Variants in ARB2A observed in about 807,000 individuals in gnomAD.
ARB2A encodes cotranscriptional regulator ARB2A.
chr5:94,044,437 C>T, the ARB2A span, among the ~76,000 whole-genome samples: 2 of 152,068 alleles, frequency 1.3e-5, no homozygotes, highest in African/African-American at 2.4e-5. Context: ...TCCTCTCTAC[C>T]GCACATACAG....
chr5:94,088,623 G>A, the ARB2A span, among the ~76,000 whole-genome samples: 1 of 152,160 alleles, frequency 6.6e-6, no homozygotes, highest in South Asian at 2.1e-4. Context: ...ACTGAGCCAT[G>A]ATCATGCCAC....
chr5:93,945,174 G>A, the ARB2A span, among the ~76,000 whole-genome samples: 38 of 152,108 alleles, frequency 2.5e-4, no homozygotes, highest in Non-Finnish European at 5.0e-4. Flanking sequence ...CACGTGTGGC[G>A]GCTCACGCCT....
chr5:93,894,810 T>A, the ARB2A span, among the ~76,000 whole-genome samples: 1 of 152,186 alleles, frequency 6.6e-6, no homozygotes, highest in African/African-American at 2.4e-5. Flanking sequence ...CTGGCCCAAG[T>A]CCTGATGAAT....
chr5:93,897,422 G>C, the ARB2A span, among the ~76,000 whole-genome samples: 13,894 of 151,806 alleles, frequency 0.092, 790 homozygotes, highest in Middle Eastern at 0.16. Flanking sequence ...GTTTGTAGGA[G>C]AAAATATAAT....
the ARB2A span, among the ~76,000 whole-genome samples, chr5:93,758,022 C>G: frequency 6.6e-6 from 1 of 152,094 alleles, no homozygotes; most frequent in Non-Finnish European, 1.5e-5. Flanking sequence ...CATAAGCACT[C>G]ATATAAACTT....
chr5:93,986,202 G>T, the ARB2A span, among the ~76,000 whole-genome samples: 27 of 152,086 alleles, frequency 1.8e-4, no homozygotes, highest in Non-Finnish European at 3.8e-4. Flanking sequence ...CCCCGTCTGG[G>T]AACTGAGGAG....
the ARB2A span, among the ~76,000 whole-genome samples, chr5:93,645,939 T>C: frequency 1.3e-5 from 2 of 152,210 alleles, no homozygotes; most frequent in Non-Finnish European, 2.9e-5. Flanking sequence ...AAGGATTTCA[T>C]TAAAAGTCAG....
chr5:93,817,145 G>C, the ARB2A span, among the ~76,000 whole-genome samples: 10 of 151,550 alleles, frequency 6.6e-5, 1 homozygote, highest in East Asian at 7.7e-4. Flanking sequence ...AATTCAGCAA[G>C]GTTGCAAAAT....
At chr5:93,834,727 GTGA>G in the ARB2A span, among the ~76,000 whole-genome samples, 2 of 152,048 alleles carry the variant, frequency 1.3e-5, no homozygotes, top group East Asian at 1.9e-4. Context: ...TTTTATAAAT[GTGA>G]TGATGCTATT....
the ARB2A span, among the ~76,000 whole-genome samples, chr5:93,922,791 T>C: frequency 2.0e-5 from 3 of 151,936 alleles, no homozygotes; most frequent in African/African-American, 7.3e-5. Context: ...AGAAAATAAG[T>C]TGACATTAGA....
the ARB2A span, among the ~76,000 whole-genome samples, chr5:93,693,269 G>T: frequency 6.6e-6 from 1 of 152,100 alleles, no homozygotes; most frequent in Admixed American, 6.5e-5. Context: ...CCAGGAGCTG[G>T]TTTTTTGAAA....
At chr5:93,905,168 G>A in the ARB2A span, among the ~76,000 whole-genome samples, 1 of 151,668 alleles carries the variant, frequency 6.6e-6, no homozygotes, top group Non-Finnish European at 1.5e-5. Flanking sequence ...AGAAGATATG[G>A]TGAATACAGT....
chr5:93,951,139 A>C, the ARB2A span, among the ~76,000 whole-genome samples: 4 of 152,110 alleles, frequency 2.6e-5, no homozygotes, highest in African/African-American at 7.2e-5. Flanking sequence ...TTTTGAGAAA[A>C]GTCTATTAGG....
chr5:93,688,778 G>C, the ARB2A span, among the ~76,000 whole-genome samples: 1 of 152,048 alleles, frequency 6.6e-6, no homozygotes, highest in Non-Finnish European at 1.5e-5. Flanking sequence ...CAAAAGCCTG[G>C]ACACCAAACT....
chr5:93,993,302 C>T, the ARB2A span, among the ~76,000 whole-genome samples: 1 of 151,886 alleles, frequency 6.6e-6, no homozygotes, highest in Non-Finnish European at 1.5e-5. Context: ...TTTTAGTTTC[C>T]CTATCTCAGC....
At chr5:93,793,026 C>A in the ARB2A span, among the ~76,000 whole-genome samples, 6 of 151,826 alleles carry the variant, frequency 4.0e-5, no homozygotes, top group East Asian at 9.7e-4. Flanking sequence ...GAGTAAGTGA[C>A]CCACGCATAC....
At chr5:93,824,703 C>T in the ARB2A span, among the ~76,000 whole-genome samples, 1 of 152,176 alleles carries the variant, frequency 6.6e-6, no homozygotes, top group Non-Finnish European at 1.5e-5. Flanking sequence ...CAAATCAGGA[C>T]TGCAACGTGG....
At chr5:93,997,727 T>C in the ARB2A span, among the ~76,000 whole-genome samples, 1 of 151,994 alleles carries the variant, frequency 6.6e-6, no homozygotes, top group African/African-American at 2.4e-5. Flanking sequence ...TCAGATTACT[T>C]CCTCTGTAGA....
chr5:94,107,952 T>C, the ARB2A span, among the ~76,000 whole-genome samples: 1 of 152,168 alleles, frequency 6.6e-6, no homozygotes. Flanking sequence ...TCTATATTAC[T>C]TTTTTTCACT....
Sources: gnomAD v4.1 joint callset for allele counts (sites outside exome capture counted in the v4.1 genomes callset) on GRCh38, gnomAD v4.1.1 for gene constraint, MANE v1.5 for transcripts, NCBI Gene and HGNC (gene_info 2026-07-23, HGNC 2026-07-21) for gene names.